CACNA2D3: variants seen among roughly 807,000 people sequenced by gnomAD.
The protein encoded by CACNA2D3 is calcium voltage-gated channel auxiliary subunit alpha2delta 3.
Under a neutral mutation model 160.6 loss-of-function variants are expected in CACNA2D3, and 60 were observed. The ratio of observed to expected loss-of-function variants is 0.37; its 90% CI spans 0.30 to 0.46. The LOEUF (loss-of-function observed/expected upper bound fraction) is 0.46. Among genes scored for constraint, CACNA2D3 ranks in the 20% least tolerant of loss-of-function variants. The pLI is 1.00. For synonymous variants in CACNA2D3, 558 were observed against 492.9 expected (o/e 1.13, Z -1.75); for missense variants, 1,205 against 1,365.0 (o/e 0.88, Z 1.85).
At chr3:54,657,569 T>A (rs1699896894) in intron 11 of CACNA2D3, among the ~76,000 whole-genome samples, 1 of 152,208 alleles carries the variant, frequency 6.6e-6, no homozygotes, top group African/African-American at 2.4e-5. Flanking sequence ...ACCATTTTGT[T>A]ATCTACTTGT....
chr3:54,706,199 G>C (rs995887510), intron 11 of CACNA2D3, among the ~76,000 whole-genome samples: 5 of 152,194 alleles, frequency 3.3e-5, no homozygotes, highest in Non-Finnish European at 7.3e-5. Flanking sequence ...TTTAACATAA[G>C]GAGATACCTT....
chr3:54,754,730 C>G (rs576430276), intron 12 of CACNA2D3, among the ~76,000 whole-genome samples: 1 of 152,168 alleles, frequency 6.6e-6, no homozygotes, highest in Non-Finnish European at 1.5e-5. Context: ...TCTCCTAAGC[C>G]ATCCTTCATA....
chr3:54,401,418 C>G (rs1699461903), intron 4 of CACNA2D3, among the ~76,000 whole-genome samples: 1 of 152,162 alleles, frequency 6.6e-6, no homozygotes, highest in Non-Finnish European at 1.5e-5. Context: ...CAAACAAGTT[C>G]AACCCAAAGT....
chr3:54,194,044 G>A (rs1576990973), intron 2 of CACNA2D3, among the ~76,000 whole-genome samples: 3 of 152,254 alleles, frequency 2.0e-5, no homozygotes, highest in Admixed American at 2.0e-4. Context: ...GAGATAGAGA[G>A]TAGAATGGTA....
intron 27 of CACNA2D3, among the ~76,000 whole-genome samples, chr3:54,960,324 T>A (rs1265582100): frequency 6.6e-6 from 1 of 152,260 alleles, no homozygotes; most frequent in South Asian, 2.1e-4. Context: ...TTTAAAAGCA[T>A]GTATAAGAAA....
At chr3:54,758,682 G>A (rs1702023572) in intron 12 of CACNA2D3, among the ~76,000 whole-genome samples, 1 of 152,126 alleles carries the variant, frequency 6.6e-6, no homozygotes, top group African/African-American at 2.4e-5. Flanking sequence ...TGCAAACCAG[G>A]GAAGCCACAG....
intron 11 of CACNA2D3, among the ~76,000 whole-genome samples, chr3:54,643,690 TAAAC>T (rs1415377575): frequency 9.2e-5 from 14 of 152,328 alleles, no homozygotes; most frequent in Admixed American, 6.5e-4. Context: ...TAGTTCATAA[TAAAC>T]ATACATGATG....
chr3:54,163,816 A>G (rs1019496669), intron 2 of CACNA2D3, among the ~76,000 whole-genome samples: 1 of 152,210 alleles, frequency 6.6e-6, no homozygotes, highest in Non-Finnish European at 1.5e-5. Flanking sequence ...GCGTCAATGC[A>G]TCTACCTCCA....
chr3:54,747,236 G>A (rs771248115), intron 11 of CACNA2D3, among the ~76,000 whole-genome samples: 1 of 152,024 alleles, frequency 6.6e-6, no homozygotes, highest in Non-Finnish European at 1.5e-5. Flanking sequence ...TCTGAACCTC[G>A]GGAGGGTGGG....
chr3:54,484,033 A>T (rs1260169914), intron 4 of CACNA2D3, among the ~76,000 whole-genome samples: 1 of 152,180 alleles, frequency 6.6e-6, no homozygotes, highest in Non-Finnish European at 1.5e-5. Flanking sequence ...GGACCTTCAG[A>T]TGGTTATGTA....
intron 27 of CACNA2D3, among the ~76,000 whole-genome samples, chr3:54,926,251 T>G (rs1223164818): frequency 6.6e-6 from 1 of 152,198 alleles, no homozygotes; most frequent in Non-Finnish European, 1.5e-5. Flanking sequence ...TATAAATATG[T>G]ATATTAATTA....
chr3:54,804,496 G>A (rs1440946244), intron 13 of CACNA2D3, among the ~76,000 whole-genome samples: 1 of 152,174 alleles, frequency 6.6e-6, no homozygotes, highest in Non-Finnish European at 1.5e-5. Flanking sequence ...AACAAGAAGA[G>A]CTAACTATCC....
intron 2 of CACNA2D3, among the ~76,000 whole-genome samples, chr3:54,157,830 CCAAA>C (rs1341715229): frequency 6.9e-5 from 6 of 86,922 alleles, no homozygotes; most frequent in African/African-American, 2.7e-4. Flanking sequence ...AAAAACCCAA[CCAAA>C]CAAAAAAAAA....
chr3:54,583,206 G>A (rs1313991313), intron 9 of CACNA2D3, among the ~76,000 whole-genome samples: 2 of 152,072 alleles, frequency 1.3e-5, no homozygotes, highest in South Asian at 2.1e-4. Context: ...TGCTTGCAAC[G>A]TTAAACAGAA....
chr3:54,604,192 A>C (rs1307515580), intron 9 of CACNA2D3, among the ~76,000 whole-genome samples: 1 of 152,176 alleles, frequency 6.6e-6, no homozygotes, highest in Non-Finnish European at 1.5e-5. Context: ...TGATTTGCCC[A>C]TTGATTCAAC....
At position 54,252,100 on chromosome 3, in the gene CACNA2D3, G is replaced by GTTTTTTTTTTTTTTTTTTTTTTTT. The variant is rs548233026; in HGVS notation, c.205-68328_205-68327insTTTTTTTTTTTTTTTTTTTTTTTT. 8.1e-4 allele frequency among the ~76,000 whole-genome samples: 98 copies of GTTTTTTTTTTTTTTTTTTTTTTTT among 120,964 alleles called. 13 individuals carry two copies. The highest frequency in any genetic ancestry group is 3.3e-3 in the African/African-American group (95 of 29,202). The allele number at this position is 120,964 out of a possible 152,430, so 79.4% of individuals were successfully genotyped here. On this transcript the variant is annotated intron_variant, in intron 2 of 37. Transcript: ENST00000474759. ...TCCAATTTCTCTTTTTGCAGAGCTA[G>GTTTTTTTTTTTTTTTTTTTTTTTT]TTTTTTTTTTTTTTGTACGATACTC...
chr3:54,144,940 A>G (rs1180902372), intron 2 of CACNA2D3, among the ~76,000 whole-genome samples: 1 of 152,210 alleles, frequency 6.6e-6, no homozygotes, highest in Admixed American at 6.5e-5. Flanking sequence ...ACAGAATTTA[A>G]AGATATTCAG....
rs774491527 is a variant in CACNA2D3 at position 54,412,610 on chromosome 3, C to CTTTTTTTTTTTTTTTTT, written c.381+25847_381+25848insTTTTTTTTTTTTTTTTT. On this transcript the variant is annotated intron_variant, in intron 4 of 37. Transcript: ENST00000474759. ...ACCTGTCTGTAATTCTGGTCTTGTT[C>CTTTTTTTTTTTTTTTTT]TTTTTTTTTTTAGTCTGACAACCTC... Among the ~76,000 whole-genome samples, 78 of 120,534 alleles carry CTTTTTTTTTTTTTTTTT rather than the reference C, an allele frequency of 6.5e-4. 1 individual carries two copies. The highest frequency in any genetic ancestry group is 1.4e-3 in the African/African-American group (48 of 33,418). The allele number at this position is 120,534 out of a possible 152,430, so 79.1% of individuals were successfully genotyped here.
intron 5 of CACNA2D3, among the ~76,000 whole-genome samples, chr3:54,535,800 G>A (rs771525716): frequency 1.3e-5 from 2 of 152,206 alleles, no homozygotes; most frequent in South Asian, 2.1e-4. Flanking sequence ...AAAAGTAGAA[G>A]CTGCAAGATG....
Sources: gnomAD v4.1 joint callset for allele counts (sites outside exome capture counted in the v4.1 genomes callset) on GRCh38, gnomAD v4.1.1 for gene constraint, MANE v1.5 for transcripts, NCBI Gene and HGNC (gene_info 2026-07-23, HGNC 2026-07-21) for gene names.